Variants in CCDC183 observed in about 807,000 individuals in gnomAD.
The protein encoded by CCDC183 is coiled-coil domain-containing protein 183.
In CCDC183, 63 loss-of-function variants were observed where a neutral mutation model predicts 65.2. That is an observed-to-expected ratio of 0.97 (90% CI 0.79 to 1.19). The LOEUF (loss-of-function observed/expected upper bound fraction) is 1.19, where lower values mean the gene tolerates loss of function less well. CCDC183 is among the 50% of genes most tolerant of loss of function. The pLI, the probability that CCDC183 is intolerant of heterozygous loss-of-function variation, is 0.00. For synonymous variants in CCDC183, 323 were observed against 276.5 expected (o/e 1.17, Z -1.67); for missense variants, 769 against 689.3 (o/e 1.12, Z -1.30).
At position 136,804,011 on chromosome 9, in the gene CCDC183, G is replaced by A. The variant is rs188570708; in HGVS notation, c.667-491G>A. ...ATCACCTGGGTATACCCGGGGTGGAGAAGGGGTGGCCAGGAGCAACGGAGC... is the reference window on the plus strand; with the variant it reads ...ATCACCTGGGTATACCCGGGGTGGAAAAGGGGTGGCCAGGAGCAACGGAGC... On this transcript the variant is annotated intron_variant, in intron 6 of 13. Coordinates refer to ENST00000338005, the MANE Select transcript of CCDC183 (RefSeq NM_001039374.5). The surrounding 1 kb of genome is among the most constrained non-coding windows in gnomAD (Gnocchi z 4.1). The A allele has an allele frequency of 3.6e-4, 60 of 168,824 alleles. No individual in the cohort carries two copies. The highest frequency in any genetic ancestry group is 7.4e-4 in the Admixed American group (13 of 17,500). The allele number at this position is 168,824 out of a possible 1,614,324, so 10.5% of individuals were successfully genotyped here.
chr9:136,804,509 T>C lies in CCDC183; in HGVS notation c.674T>C (p.Met225Thr). Residue 225 changes from methionine to threonine, a missense_variant, in exon 7 of 14, where the codon ATG becomes ACG. Met to Thr is a moderately conservative substitution (Grantham distance 81). Transcript: ENST00000338005. The surrounding 1 kb of genome is among the most constrained non-coding windows in gnomAD (Gnocchi z 4.1). ...CCACCCGCATGTCCCCAGAGGAACATGAGGCAAAGGGAGGCGTCCTTCATC... is the reference window on the plus strand; with the variant it reads ...CCACCCGCATGTCCCCAGAGGAACACGAGGCAAAGGGAGGCGTCCTTCATC... ...MMITDEVKRN[M>T]RQREASFIEE... The C allele has an allele frequency of 2.5e-6, 4 of 1,612,556 alleles. No homozygotes were observed. Among genetic ancestry groups the C allele is most frequent in the Non-Finnish European group, 3.4e-6 (4 of 1,179,760 alleles).
At chr9:136,807,215 G>T in intron 13 of CCDC183, 149 bp downstream of exon 13, 1 of 688,774 alleles carries the variant, frequency 1.5e-6, no homozygotes, top group South Asian at 1.8e-5. Flanking sequence ...TTAATTGATG[G>T]AGGTGACTTA....
At chr9:136,800,535 G>T in intron 5 of CCDC183, 42 bp downstream of exon 5, 60 of 1,184,478 alleles carry the variant, frequency 5.1e-5, no homozygotes, top group South Asian at 6.4e-5. Context: ...CAGGGGCTGG[G>T]ATCTGGGAGG....
rs1847815342 is a variant in CCDC183, at chr9:136,804,883, C to A, written c.847+67C>A. 3 of 1,404,618 alleles carry A rather than the reference C, an allele frequency of 2.1e-6. No individual in the cohort carries two copies. Among genetic ancestry groups the A allele is most frequent in the Non-Finnish European group, 3.0e-6 (3 of 995,152 alleles). 87.0% of individuals were successfully genotyped at this position (1,404,618 alleles called of 1,614,324 possible). A position where few individuals can be genotyped will look rare whatever the true frequency, so the allele number is the denominator to read the frequency against. Reference sequence around the variant, plus strand: ...AGGAGAGGCTGGCACTGATTCAGGCCAACGGATCAAGTCACCCTGAGGCCA... The same window carrying A: ...AGGAGAGGCTGGCACTGATTCAGGCAAACGGATCAAGTCACCCTGAGGCCA... On this transcript the variant is annotated intron_variant, in intron 8 of 13. Coordinates refer to ENST00000338005, the MANE Select transcript of CCDC183 (RefSeq NM_001039374.5). This position sits in a 1 kb window ranked among gnomAD's most constrained non-coding sequence, Gnocchi z 4.1.
Position 136,800,045 on chromosome 9 carries a change from A to G in CCDC183, c.314A>G (p.Asn105Ser). Reference sequence around the variant, plus strand: ...CGCAAGTACGTCTTCGACCGCGTGAACATGCACAACCTACTGATCCACCTG... The same window carrying G: ...CGCAAGTACGTCTTCGACCGCGTGAGCATGCACAACCTACTGATCCACCTG... ...KLRKYVFDRV[N>S]MHNLLIHLVR... Residue 105 changes from asparagine (N) to serine (S), a missense_variant, in exon 4 of 14, where the codon AAC becomes AGC. Asn to Ser is a conservative substitution (Grantham distance 46, BLOSUM62 1). Transcript: ENST00000338005. 1 of 1,588,914 alleles carries G rather than the reference A, an allele frequency of 6.3e-7. No homozygotes were observed. The highest frequency in any genetic ancestry group is 8.6e-7 in the Non-Finnish European group (1 of 1,168,540).
At position 136,804,538 on chromosome 9, in the gene CCDC183, G is replaced by C. The variant is rs1847807796; in HGVS notation, c.703G>C (p.Glu235Gln). 1.2e-6 allele frequency: 2 copies of C among 1,613,422 alleles called. No homozygotes were observed. Among genetic ancestry groups the C allele is most frequent in the Non-Finnish European group, 1.7e-6 (2 of 1,179,920 alleles). Residue 235 changes from glutamate (E) to glutamine (Q), a missense_variant, in exon 7 of 14, where the codon GAG (glutamate) becomes CAG (glutamine). By Grantham distance (29) the Glu-to-Gln change is conservative (BLOSUM62 2). Transcript: ENST00000338005. The surrounding 1 kb of genome is among the most constrained non-coding windows in gnomAD (Gnocchi z 4.1). Reference sequence around the variant, plus strand: ...GCAAAGGGAGGCGTCCTTCATCGAGGAGCGCCGGGCAAGGGAGAACCGGCT... The same window carrying C: ...GCAAAGGGAGGCGTCCTTCATCGAGCAGCGCCGGGCAAGGGAGAACCGGCT... ...MRQREASFIE[E>Q]RRARENRLNQ... is the part of the protein sequence containing the mutation.
Position 136,806,522 on chromosome 9 carries a change from G to T in CCDC183, c.1128G>T (p.Lys376Asn). The T allele has an allele frequency of 6.2e-7, 1 of 1,613,484 alleles. No individual in the cohort carries two copies. The highest frequency in any genetic ancestry group is 1.1e-5 in the South Asian group (1 of 91,082). ...PSSISFKSVE[K>N]KMTDMLKEEE... ...TCTGCAGCTTCAAGTCCGTTGAGAA[G>T]AAAATGACAGACATGCTAAAAGAGG... is the stretch of plus-strand genomic sequence containing the variant. Residue 376 changes from lysine (K) to asparagine (N), a missense_variant, in exon 11 of 14, where the codon AAG (lysine) becomes AAT (asparagine). By Grantham distance (94) the Lys-to-Asn change is moderately conservative. Transcript: ENST00000338005.
rs149744308 is a variant in CCDC183, at chr9:136,801,945, G to A, written c.544-719G>A. Among the ~76,000 whole-genome samples the A allele has an allele frequency of 9.2e-5, 14 of 151,790 alleles. No individual in the cohort carries two copies. In the East Asian group the frequency reaches 9.7e-4, roughly 11 times the overall value. ...TAGAATTACAGGCGCCCACTACCAC[G>A]CCCGGCTGATTTTTTTTGTATTTTT... is the stretch of plus-strand genomic sequence containing the variant. On this transcript the variant is annotated intron_variant, in intron 5 of 13. Coordinates refer to ENST00000338005, the MANE Select transcript of CCDC183 (RefSeq NM_001039374.5).
chr9:136,803,719 G>A (rs1847790468), intron 6 of CCDC183, among the ~76,000 whole-genome samples: 1 of 152,206 alleles, frequency 6.6e-6, no homozygotes, highest in Admixed American at 6.5e-5. Context: ...GCAAAGGTCA[G>A]GTGTGGCCAG....
At chr9:136,806,926 C>A (rs1392571765) in intron 12 of CCDC183, 44 bp from the exon 13 acceptor site, 1 of 1,613,450 alleles carries the variant, frequency 6.2e-7, no homozygotes, top group Admixed American at 1.7e-5. Flanking sequence ...TGACAGGCTC[C>A]CGTTCAGAGT....
chr9:136,806,194 G>A lies in CCDC183; in HGVS notation c.1065G>A (p.Leu355=). 1 of 1,573,864 alleles carries A rather than the reference G, an allele frequency of 6.4e-7. No homozygotes were observed. Residue 355 remains leucine, a synonymous_variant, in exon 10 of 14, where the codon CTG becomes CTA. Coordinates refer to ENST00000338005, the MANE Select transcript of CCDC183 (RefSeq NM_001039374.5). ...AGGCCCTGGTGAAGCAGCTGGAGCT[G>A]GAGGAGGCCGTGCTCAAGTTCCGCC... The part of the protein sequence containing the change: ...QLKALVKQLE[L]EEAVLKFRQK...
At chr9:136,799,951 C>G in intron 3 of CCDC183, 51 bp from the exon 4 acceptor site, 1 of 1,549,276 alleles carries the variant, frequency 6.5e-7, no homozygotes, top group South Asian at 1.2e-5. Flanking sequence ...TGGCGGGCTC[C>G]ATGGCGGCCC....
intron 5 of CCDC183, 194 bp downstream of exon 5, chr9:136,800,687 G>A: frequency 1.7e-6 from 1 of 587,428 alleles, no homozygotes; most frequent in Admixed American, 3.0e-5. Flanking sequence ...AAAGCATATC[G>A]TGGGGTATAT....
intron 1 of CCDC183, among the ~76,000 whole-genome samples, chr9:136,797,659 C>T (rs1165370759): frequency 6.6e-6 from 1 of 152,158 alleles, no homozygotes; most frequent in Non-Finnish European, 1.5e-5. Flanking sequence ...AGGATGGTCT[C>T]GATCACCTGA....
intron 5 of CCDC183, 145 bp from the exon 6 acceptor site, chr9:136,802,519 T>C: frequency 1.7e-6 from 2 of 1,171,770 alleles, no homozygotes; most frequent in Non-Finnish European, 2.4e-6. Context: ...TTCATCACCG[T>C]TGTGCCCAGC....
chr9:136,806,065 C>T lies in CCDC183; in HGVS notation c.949-13C>T, dbSNP rs1470468616. 6.5e-7 allele frequency: 1 copy of T among 1,547,718 alleles called. No homozygotes were observed. Among genetic ancestry groups the T allele is most frequent in the Non-Finnish European group, 8.7e-7 (1 of 1,146,246 alleles). On this transcript the variant is annotated splice_polypyrimidine_tract_variant and intron_variant, in intron 9 of 13. Coordinates refer to ENST00000338005, the MANE Select transcript of CCDC183 (RefSeq NM_001039374.5). ...TGGCCCACACCTGCTTCTCTCTCCC[C>T]CGGACTGGCCAGGACATCACTAGCC... is the stretch of plus-strand genomic sequence containing the variant.
At chr9:136,799,312 C>T in intron 2 of CCDC183, 89 bp downstream of exon 2, 1 of 1,480,952 alleles carries the variant, frequency 6.8e-7, no homozygotes, top group Non-Finnish European at 9.0e-7. Context: ...CTCCTCTCCA[C>T]CCCCACCCCA....
At position 136,807,619 on chromosome 9, in the gene CCDC183, G is replaced by A; in HGVS notation, c.1534G>A (p.Ala512Thr). 1 of 1,605,004 alleles carries A rather than the reference G, an allele frequency of 6.2e-7. No individual in the cohort carries two copies. The highest frequency in any genetic ancestry group is 8.5e-7 in the Non-Finnish European group (1 of 1,176,338). The part of the protein sequence containing the change: ...DMDHSYVPSR[A>T]EIKRQAQRLI... ...GGACCACAGCTACGTCCCTTCGCGC[G>A]CCGAGATCAAGAGGCAGGCGCAGCG... Residue 512 changes from alanine (A) to threonine (T), a missense_variant, in exon 14 of 14, where the codon GCC (alanine) becomes ACC (threonine). Coordinates refer to ENST00000338005, the MANE Select transcript of CCDC183 (RefSeq NM_001039374.5).
intron 2 of CCDC183, 32 bp downstream of exon 2, chr9:136,799,255 G>T: frequency 6.4e-7 from 1 of 1,571,786 alleles, no homozygotes; most frequent in Non-Finnish European, 8.6e-7. Context: ...CCTCTGCCTG[G>T]CGAGCAGGGC....
Sources: gnomAD v4.1 joint callset for allele counts (sites outside exome capture counted in the v4.1 genomes callset) on GRCh38, gnomAD v4.1.1 for gene constraint, Gnocchi (gnomAD v3.1) non-coding constraint, MANE v1.5 for transcripts, NCBI Gene and HGNC (gene_info 2026-07-23, HGNC 2026-07-21) for gene names.